The following ZNF790 variants were observed in gnomAD, a reference collection of about 807,000 sequenced individuals.
ZNF790 encodes zinc finger protein 790.
In ZNF790, 8 loss-of-function variants were observed where a neutral mutation model predicts 12.1. The ratio of observed to expected loss-of-function variants is 0.66; its 90% CI spans 0.39 to 1.19. The LOEUF is 1.19. Among genes scored for constraint, ZNF790 ranks in the 50% most tolerant of loss-of-function variants. ZNF790 has a pLI of 0.01. For synonymous variants in ZNF790, 252 were observed against 244.3 expected, an observed-to-expected ratio of 1.03 and a Z score of -0.29; for missense variants, 707 against 752.2, an observed-to-expected ratio of 0.94 and a Z score of 0.70.
At chr19:36,843,027 T>G (rs536698390), upstream of ZNF790, among the ~76,000 whole-genome samples, 128 of 139,108 alleles carry the variant, frequency 9.2e-4, no homozygotes, top group Admixed American at 1.7e-3. Flanking sequence ...AAAAAAGACA[T>G]GAAGGAGTGT....
chr19:36,846,643 T>C (rs2072183842), intron 1 of ZNF790, among the ~76,000 whole-genome samples: 1 of 152,222 alleles, frequency 6.6e-6, no homozygotes. Flanking sequence ...GGAACTTTCA[T>C]ACATTTCTGG....
chr19:36,849,090 T>C (rs1239546449), intron 1 of ZNF790, among the ~76,000 whole-genome samples: 2 of 151,972 alleles, frequency 1.3e-5, no homozygotes, highest in African/African-American at 4.8e-5. Context: ...ACCGCACTCA[T>C]GCTTGGTTTT....
chr19:36,825,500 T>TA (rs1304133713), intron 2 of ZNF790, 111 bp downstream of exon 2: 8 of 1,143,940 alleles, frequency 7.0e-6, no homozygotes, highest in Non-Finnish European at 9.3e-6. Flanking sequence ...AGTCATTACT[T>TA]ATGACACTCA....
Position 36,823,373 on chromosome 19 carries a change from G to A in ZNF790, c.141C>T (p.Cys47=), listed in dbSNP as rs1448960414. Residue 47 remains cysteine, a synonymous_variant, in exon 4 of 5, where the codon TGC becomes TGT. Coordinates refer to ENST00000356725, the MANE Select transcript of ZNF790 (RefSeq NM_206894.4). ...AAGAGAACGCTTCTGGCTGATAAAT[G>A]CAAAAACCTGCCCAGAAGATGAGAA... ...NYSNMVSLGF[C]IYQPEAFSLL... 6.2e-7 allele frequency: 1 copy of A among 1,613,600 alleles called. No individual in the cohort carries two copies. Among genetic ancestry groups the A allele is most frequent in the East Asian group, 2.2e-5 (1 of 44,880 alleles).
upstream of ZNF790, among the ~76,000 whole-genome samples, chr19:36,840,932 A>G (rs2072124674): frequency 6.6e-6 from 1 of 152,196 alleles, no homozygotes; most frequent in Admixed American, 6.5e-5. Context: ...GTGAACTGTG[A>G]TTGCACCACT....
At position 36,819,683 on chromosome 19, in the gene ZNF790, T is replaced by A; in HGVS notation, c.661A>T (p.Thr221Ser). ...TTACATTCATATGTTTTCTTAACAG[T>A]GTGAACTGTCTGATATTGAATAACT... ...SEVIQYQTVH[T>S]VKKTYECKEC... Residue 221 changes from threonine (T) to serine (S), a missense_variant, in exon 5 of 5, where the codon ACT becomes TCT. Physicochemically the swap from Thr to Ser is moderately conservative, Grantham distance 58. Coordinates refer to ENST00000356725, the MANE Select transcript of ZNF790 (RefSeq NM_206894.4). 6.2e-7 allele frequency: 1 copy of A among 1,613,200 alleles called. No individual in the cohort carries two copies. Among genetic ancestry groups the A allele is most frequent in the African/African-American group, 1.3e-5 (1 of 75,044 alleles).
intron 1 of ZNF790, among the ~76,000 whole-genome samples, chr19:36,833,002 T>C (rs1393620459): frequency 7.0e-6 from 1 of 143,180 alleles, no homozygotes; most frequent in Non-Finnish European, 1.5e-5. Flanking sequence ...TGAATACAAA[T>C]GTAAGTCAAA....
rs1247755483 is a variant in ZNF790, at chr19:36,819,021, C to T, written c.1323G>A (p.Glu441=). 4 of 1,614,116 alleles carry T rather than the reference C, an allele frequency of 2.5e-6. No individual in the cohort carries two copies. The highest frequency in any genetic ancestry group is 4.5e-5 in the East Asian group (2 of 44,878). ...FTWASYLAQH[E]KIHNERKSYE... ...AGGATTTCCTCTCATTGTGAATTTTCTCATGTTGAGCAAGATACGAAGCCC... is the reference window on the plus strand; with the variant it reads ...AGGATTTCCTCTCATTGTGAATTTTTTCATGTTGAGCAAGATACGAAGCCC... The change falls in exon 5 of 5, where the codon GAG becomes GAA. Residue 441 remains glutamate (E), a synonymous_variant. Coordinates refer to ENST00000356725, the MANE Select transcript of ZNF790 (RefSeq NM_206894.4).
At chr19:36,848,525 T>G (rs994235746) in intron 1 of ZNF790, among the ~76,000 whole-genome samples, 1 of 152,152 alleles carries the variant, frequency 6.6e-6, no homozygotes, top group African/African-American at 2.4e-5. Flanking sequence ...TAAAAGATGT[T>G]CAGATGGAGC....
chr19:36,830,508 G>C (rs113056941), intron 1 of ZNF790, among the ~76,000 whole-genome samples: 2,250 of 152,198 alleles, frequency 0.015, 45 homozygotes, highest in African/African-American at 0.05. Flanking sequence ...CAGTATCTGG[G>C]AAATACTGGC....
In ZNF790 at chr19:36,818,730, T is replaced by G; in HGVS notation, c.1614A>C (p.Glu538Asp). 6.2e-7 allele frequency: 1 copy of G among 1,613,202 alleles called. No homozygotes were observed. The highest frequency in any genetic ancestry group is 8.5e-7 in the Non-Finnish European group (1 of 1,179,732). The change falls in exon 5 of 5, where the codon GAA (glutamate) becomes GAC (aspartate). Residue 538 changes from glutamate (E) to aspartate (D), a missense_variant. Physicochemically the swap from Glu to Asp is conservative, Grantham distance 45. Transcript: ENST00000356725. ...HTGEEPYVCK[E>D]CGKSFIWGSQ... ...AACCCCAGATAAAAGATTTCCCACA[T>G]TCTTTACATACGTAAGGTTCCTCAC...
At chr19:36,823,495 T>A in intron 3 of ZNF790, 115 bp from the exon 4 acceptor site, 1 of 1,272,552 alleles carries the variant, frequency 7.9e-7, no homozygotes, top group Non-Finnish European at 1.1e-6. Flanking sequence ...AAAATAAGTA[T>A]AAACTATGGG....
At chr19:36,827,972 TC>T (rs1478361638) in intron 1 of ZNF790, 1 of 152,160 alleles carries the variant, frequency 6.6e-6, no homozygotes, top group African/African-American at 2.4e-5. Context: ...TCATGAAAAT[TC>T]CATGTAAAGC....
chr19:36,845,659 G>A (rs1322250359), intron 1 of ZNF790, among the ~76,000 whole-genome samples: 2 of 152,164 alleles, frequency 1.3e-5, no homozygotes, highest in African/African-American at 4.8e-5. Flanking sequence ...AAAGAGGAAT[G>A]CTGTAATCTT....
chr19:36,827,086 A>G lies in ZNF790; in HGVS notation c.-73-1394T>C, dbSNP rs1340322612. Reference sequence around the variant, plus strand: ...ATGTGTGTTGTGTGTGTATGTGTGTATATATGTGTGTGTGTGTATATATAT... The same window carrying G: ...ATGTGTGTTGTGTGTGTATGTGTGTGTATATGTGTGTGTGTGTATATATAT... On this transcript the variant is annotated intron_variant, in intron 1 of 4. Transcript: ENST00000356725. 4.1e-3 allele frequency among the ~76,000 whole-genome samples: 330 copies of G among 79,572 alleles called. 4 individuals are homozygous for G. Among genetic ancestry groups the G allele is most frequent in the African/African-American group, 0.012 (317 of 26,564 alleles). The allele number at this position is 79,572 out of a possible 152,430, so 52.2% of individuals were successfully genotyped here.
At chr19:36,841,702 C>T (rs369700621), upstream of ZNF790, among the ~76,000 whole-genome samples, 5 of 151,300 alleles carry the variant, frequency 3.3e-5, no homozygotes, top group Non-Finnish European at 7.4e-5. Context: ...TCCAACATGG[C>T]GAAATCCCAT....
At chr19:36,822,327 A>C (rs536621490) in intron 4 of ZNF790, among the ~76,000 whole-genome samples, 2 of 152,310 alleles carry the variant, frequency 1.3e-5, no homozygotes, top group Admixed American at 1.3e-4. Flanking sequence ...AATTTTAAAA[A>C]AGGGAGATGA....
intron 1 of ZNF790, chr19:36,828,251 G>A (rs1228620731): frequency 1.3e-5 from 2 of 152,116 alleles, no homozygotes; most frequent in African/African-American, 4.8e-5. Context: ...ATCACCTGAG[G>A]TCGGGAGTTC....
upstream of ZNF790, among the ~76,000 whole-genome samples, chr19:36,842,743 T>G (rs2072140749): frequency 6.6e-6 from 1 of 151,666 alleles, no homozygotes; most frequent in Non-Finnish European, 1.5e-5. Context: ...CGGTGGCTCA[T>G]GCCTGTAATC....
Sources: gnomAD v4.1 joint callset for allele counts (sites outside exome capture counted in the v4.1 genomes callset) on GRCh38, gnomAD v4.1.1 for gene constraint, MANE v1.5 for transcripts, NCBI Gene and HGNC (gene_info 2026-07-23, HGNC 2026-07-21) for gene names.